The following CNTN4 variants were observed in gnomAD, a reference collection of about 807,000 sequenced individuals.
CNTN4 encodes the protein contactin-4.
Under a neutral mutation model 122.5 loss-of-function variants are expected in CNTN4, and 77 were observed. The ratio of observed to expected loss-of-function variants is 0.63; its 90% CI spans 0.52 to 0.76. The LOEUF (loss-of-function observed/expected upper bound fraction) is 0.76. Ranked by LOEUF, CNTN4 falls within the 30% of genes least tolerant of loss-of-function variation. The pLI, the probability that CNTN4 is intolerant of heterozygous loss-of-function variation, is 0.00. For synonymous variants in CNTN4, 512 were observed against 447.0 expected (o/e 1.15, Z -1.83); for missense variants, 1,256 against 1,259.1 (o/e 1.00, Z 0.04).
chr3:2,899,199 T>C (rs1299474615), intron 10 of CNTN4, among the ~76,000 whole-genome samples: 3 of 152,210 alleles, frequency 2.0e-5, no homozygotes, highest in Non-Finnish European at 4.4e-5. Flanking sequence ...AAGTGATTTG[T>C]TGAGTGTCTT....
At chr3:2,806,971 C>T (rs2092482047) in intron 6 of CNTN4, among the ~76,000 whole-genome samples, 3 of 152,172 alleles carry the variant, frequency 2.0e-5, no homozygotes, top group African/African-American at 4.8e-5. Context: ...CTGTAGTGGG[C>T]ATCAACGACA....
chr3:2,483,844 C>T (rs1449755551), intron 3 of CNTN4, among the ~76,000 whole-genome samples: 2 of 152,148 alleles, frequency 1.3e-5, no homozygotes, highest in Admixed American at 6.5e-5. Flanking sequence ...TCAGGTATTT[C>T]TTCATAGCAG....
intron 2 of CNTN4, among the ~76,000 whole-genome samples, chr3:2,294,097 C>T (rs1425981322): frequency 6.6e-6 from 1 of 152,128 alleles, no homozygotes; most frequent in Non-Finnish European, 1.5e-5. Context: ...GTGAGGCAGG[C>T]CAAACTGTAA....
At chr3:2,269,449 G>T (rs2041179528) in intron 2 of CNTN4, among the ~76,000 whole-genome samples, 1 of 152,066 alleles carries the variant, frequency 6.6e-6, no homozygotes, top group Admixed American at 6.6e-5. Context: ...TGGGTGCTGG[G>T]TACTGATTAG....
At chr3:2,306,900 T>TA (rs57330058) in intron 2 of CNTN4, among the ~76,000 whole-genome samples, 45,951 of 151,634 alleles carry the variant, frequency 0.3, 8,186 homozygotes, top group African/African-American at 0.5. Flanking sequence ...GAAATTTTTT[T>TA]ATTTCATGTT....
intron 4 of CNTN4, among the ~76,000 whole-genome samples, chr3:2,708,265 C>T (rs558590908): frequency 6.6e-6 from 1 of 152,164 alleles, no homozygotes; most frequent in South Asian, 2.1e-4. Flanking sequence ...CTAATGATGA[C>T]AAGATATCTT....
chr3:2,898,449 G>A lies in CNTN4; in HGVS notation c.941-2236G>A, dbSNP rs1013687442. On this transcript the variant is annotated intron_variant, in intron 10 of 24. Coordinates refer to ENST00000418658, the MANE Select transcript of CNTN4 (RefSeq NM_175607.3). ...TTCCTTGACCTCCATAACCCTGTGGGAAGAGACAGAATGAGCCCTCAGAAG... is the reference window on the plus strand; with the variant it reads ...TTCCTTGACCTCCATAACCCTGTGGAAAGAGACAGAATGAGCCCTCAGAAG... Among the ~76,000 whole-genome samples the A allele has an allele frequency of 1.8e-4, 28 of 152,142 alleles. 1 individual carries two copies. The highest frequency in any genetic ancestry group is 1.7e-3 in the Admixed American group (26 of 15,272).
At chr3:2,808,150 G>GT (rs1448851179) in intron 6 of CNTN4, among the ~76,000 whole-genome samples, 1 of 152,140 alleles carries the variant, frequency 6.6e-6, no homozygotes, top group African/African-American at 2.4e-5. Context: ...TTGAAGCAGG[G>GT]TTTTTCATGA....
At chr3:2,196,997 A>G (rs11916225) in intron 2 of CNTN4, among the ~76,000 whole-genome samples, 3,510 of 150,030 alleles carry the variant, frequency 0.023, 130 homozygotes, top group African/African-American at 0.083. Flanking sequence ...GTGAGCCGAG[A>G]TCATGCCACT....
chr3:3,034,264 A>C (rs17598912), intron 16 of CNTN4, among the ~76,000 whole-genome samples: 9,736 of 152,312 alleles, frequency 0.064, 478 homozygotes, highest in Admixed American at 0.097. Flanking sequence ...CGTATCCTCA[A>C]ATAACACTGT....
intron 3 of CNTN4, among the ~76,000 whole-genome samples, chr3:2,416,283 AC>A (rs1355524766): frequency 6.6e-6 from 1 of 152,216 alleles, no homozygotes; most frequent in African/African-American, 2.4e-5. Context: ...GTGTCACTTT[AC>A]ATTAGCCCTA....
chr3:2,717,227 G>T (rs933520432), intron 4 of CNTN4, among the ~76,000 whole-genome samples: 1 of 152,050 alleles, frequency 6.6e-6, no homozygotes, highest in African/African-American at 2.4e-5. Flanking sequence ...TCAGTAGGGT[G>T]CCCACTACCC....
chr3:2,226,320 TC>T (rs1251804860), intron 2 of CNTN4, among the ~76,000 whole-genome samples: 9 of 152,158 alleles, frequency 5.9e-5, no homozygotes, highest in African/African-American at 2.2e-4. Flanking sequence ...CTATTTGGGC[TC>T]CGTAAGAATC....
chr3:2,873,162 T>G (rs1291464378), intron 8 of CNTN4, among the ~76,000 whole-genome samples: 2 of 152,138 alleles, frequency 1.3e-5, no homozygotes, highest in African/African-American at 2.4e-5. Context: ...ATAAGACAAA[T>G]CATTACCATT....
At chr3:2,722,536 C>T (rs62232732) in intron 4 of CNTN4, among the ~76,000 whole-genome samples, 25,732 of 152,144 alleles carry the variant, frequency 0.17, 2,618 homozygotes, top group East Asian at 0.4. Context: ...ATGAAGAGGA[C>T]AGGTGGATGA....
At chr3:2,643,527 C>T (rs2082989042) in intron 4 of CNTN4, among the ~76,000 whole-genome samples, 1 of 152,092 alleles carries the variant, frequency 6.6e-6, no homozygotes, top group Non-Finnish European at 1.5e-5. Flanking sequence ...GCATGTCCAT[C>T]TTCTGCATTA....
At chr3:2,406,151 A>G (rs1407812212) in intron 3 of CNTN4, among the ~76,000 whole-genome samples, 1 of 152,228 alleles carries the variant, frequency 6.6e-6, no homozygotes, top group Non-Finnish European at 1.5e-5. Context: ...TTACTCTCAA[A>G]GTATATCCTC....
intron 5 of CNTN4, among the ~76,000 whole-genome samples, chr3:2,740,400 A>AT (rs1683665146): frequency 6.6e-6 from 1 of 152,142 alleles, no homozygotes; most frequent in Non-Finnish European, 1.5e-5. Context: ...CCAGAGCAGC[A>AT]TATTTTTGGG....
At chr3:2,738,979 T>C (rs562558854) in intron 5 of CNTN4, among the ~76,000 whole-genome samples, 2 of 152,230 alleles carry the variant, frequency 1.3e-5, no homozygotes, top group East Asian at 1.9e-4. Flanking sequence ...TTGAAGAAGA[T>C]TTTTAAGTAT....
Sources: gnomAD v4.1 joint callset for allele counts (sites outside exome capture counted in the v4.1 genomes callset) on GRCh38, gnomAD v4.1.1 for gene constraint, MANE v1.5 for transcripts, NCBI Gene and HGNC (gene_info 2026-07-23, HGNC 2026-07-21) for gene names.